GALNTL6: variants seen among roughly 807,000 people sequenced by gnomAD.
GALNTL6 encodes the protein polypeptide N-acetylgalactosaminyltransferase-like 6.
GALNTL6 carries 46 observed loss-of-function variants against 73.7 expected under a neutral mutation model. That is an observed-to-expected ratio of 0.62 (90% CI 0.49 to 0.80). The LOEUF (loss-of-function observed/expected upper bound fraction) is 0.80. GALNTL6 is among the 30% of genes least tolerant of loss of function. The probability of loss-of-function intolerance (pLI) is 0.00; values close to 1 mark genes in which losing one functional copy is unlikely to be tolerated. For missense variants in GALNTL6, 604 were observed against 755.0 expected (o/e 0.80, Z 2.34); for synonymous variants, 259 against 263.7 (o/e 0.98, Z 0.17).
chr4:171,945,167 C>G (rs1738665910), intron 2 of GALNTL6, among the ~76,000 whole-genome samples: 1 of 152,090 alleles, frequency 6.6e-6, no homozygotes, highest in Middle Eastern at 3.4e-3. Flanking sequence ...CCCTTTACAA[C>G]CAACTCTCCA....
chr4:172,764,554 C>A (rs989929658), intron 5 of GALNTL6, among the ~76,000 whole-genome samples: 2 of 151,134 alleles, frequency 1.3e-5, no homozygotes, highest in African/African-American at 4.9e-5. Flanking sequence ...ACATAGGTTA[C>A]AAAGTAAAAG....
Position 172,348,705 on chromosome 4 carries a change from T to C in GALNTL6, c.553+16T>C, listed in dbSNP as rs748877576. The C allele has an allele frequency of 8.7e-5, 136 of 1,556,626 alleles. No homozygotes were observed. Among genetic ancestry groups the C allele is most frequent in the Non-Finnish European group, 1.1e-4 (130 of 1,139,048 alleles). ...AGTGAGAGAGGTAAGATACAGTTGA[T>C]AACATTTTATCTGATTCTGCTACCA... On this transcript the variant is annotated intron_variant, in intron 5 of 12. Transcript: ENST00000506823.
At chr4:172,284,818 G>A (rs940723975) in intron 3 of GALNTL6, among the ~76,000 whole-genome samples, 1 of 152,030 alleles carries the variant, frequency 6.6e-6, no homozygotes, top group Non-Finnish European at 1.5e-5. Flanking sequence ...TTTACTTCTG[G>A]GTTCTCTATT....
chr4:172,613,606 C>A (rs1466753402), intron 5 of GALNTL6, among the ~76,000 whole-genome samples: 2 of 149,022 alleles, frequency 1.3e-5, no homozygotes, highest in African/African-American at 2.5e-5. Flanking sequence ...AAAGGAAAAA[C>A]CTATGATTAA....
intron 2 of GALNTL6, among the ~76,000 whole-genome samples, chr4:172,053,438 T>A (rs567740986): frequency 3.6e-4 from 55 of 152,142 alleles, no homozygotes; most frequent in Non-Finnish European, 4.9e-4. Context: ...GAGGTAGCCA[T>A]TCTCCTGAAA....
chr4:172,169,230 T>G (rs1734734276), intron 2 of GALNTL6, among the ~76,000 whole-genome samples: 1 of 152,164 alleles, frequency 6.6e-6, no homozygotes, highest in South Asian at 2.1e-4. Context: ...TCTCCCAGTC[T>G]GAGAGCCCCA....
intron 2 of GALNTL6, among the ~76,000 whole-genome samples, chr4:171,822,085 A>AT (rs35050639): frequency 4.7e-4 from 71 of 151,524 alleles, no homozygotes; most frequent in Admixed American, 1.3e-3. Flanking sequence ...CAATATAAGC[A>AT]TTTTTTTTTC....
At chr4:172,182,360 A>G (rs1735275550) in intron 2 of GALNTL6, among the ~76,000 whole-genome samples, 1 of 152,150 alleles carries the variant, frequency 6.6e-6, no homozygotes, top group Non-Finnish European at 1.5e-5. Flanking sequence ...TTTAGAAACT[A>G]TGAGGTACAG....
intron 5 of GALNTL6, among the ~76,000 whole-genome samples, chr4:172,363,785 ACC>A (rs1449962538): frequency 6.6e-6 from 1 of 152,126 alleles, no homozygotes; most frequent in Non-Finnish European, 1.5e-5. Context: ...GAGAATAGAA[ACC>A]TTTTACTTCT....
intron 2 of GALNTL6, among the ~76,000 whole-genome samples, chr4:171,972,813 A>AT (rs1739609965): frequency 2.0e-5 from 3 of 152,230 alleles, no homozygotes; most frequent in East Asian, 3.9e-4. Flanking sequence ...CTAGAAGCTC[A>AT]TTTTTTCATA....
At chr4:171,826,526 G>C (rs1157023850) in intron 2 of GALNTL6, among the ~76,000 whole-genome samples, 3 of 152,070 alleles carry the variant, frequency 2.0e-5, no homozygotes, top group Admixed American at 6.6e-5. Context: ...CCCTATTGGA[G>C]GGGGTAGGGG....
intron 2 of GALNTL6, among the ~76,000 whole-genome samples, chr4:172,019,935 T>A (rs1476092164): frequency 2.6e-5 from 4 of 152,060 alleles, no homozygotes; most frequent in Non-Finnish European, 5.9e-5. Flanking sequence ...AAACAAGTCT[T>A]CAACATTCAA....
intron 3 of GALNTL6, among the ~76,000 whole-genome samples, chr4:172,275,057 C>T (rs549900077): frequency 9.9e-5 from 15 of 152,268 alleles, no homozygotes; most frequent in Middle Eastern, 3.4e-3. Context: ...CTGGTCATGA[C>T]ATTTTCCCAG....
chr4:172,374,193 A>G (rs1372722396), intron 5 of GALNTL6, among the ~76,000 whole-genome samples: 1 of 152,206 alleles, frequency 6.6e-6, no homozygotes, highest in Non-Finnish European at 1.5e-5. Flanking sequence ...CTACTGGGTG[A>G]TTAGCCTGCT....
rs76015022 is a variant in GALNTL6 at position 172,500,675 on chromosome 4, G to GT, written c.553+151997dup. 3.3e-3 allele frequency among the ~76,000 whole-genome samples: 475 copies of GT among 144,944 alleles called. 2 individuals are homozygous for GT. The highest frequency in any genetic ancestry group is 4.0e-3 in the Non-Finnish European group (263 of 65,642). On this transcript the variant is annotated intron_variant, in intron 5 of 12. Transcript: ENST00000506823. Reference sequence around the variant, plus strand: ...TACCATTACAGAGCAGCTTAAGGAAGTTTTTTTTTTTGTTTTTTGTTTTTT... The same window carrying GT: ...TACCATTACAGAGCAGCTTAAGGAAGTTTTTTTTTTTTGTTTTTTGTTTTTT...
At chr4:172,087,084 T>C (rs1410781756) in intron 2 of GALNTL6, among the ~76,000 whole-genome samples, 1 of 152,088 alleles carries the variant, frequency 6.6e-6, no homozygotes, top group African/African-American at 2.4e-5. Flanking sequence ...TCAGTTGTAA[T>C]GGTAAAGGCC....
intron 2 of GALNTL6, among the ~76,000 whole-genome samples, chr4:171,972,421 G>T (rs1012256695): frequency 7.9e-5 from 12 of 151,722 alleles, no homozygotes; most frequent in Admixed American, 6.6e-4. Flanking sequence ...ATATTATGTT[G>T]TCCTAGGATT....
At chr4:172,243,340 G>A (rs1006478055) in intron 3 of GALNTL6, among the ~76,000 whole-genome samples, 5 of 152,188 alleles carry the variant, frequency 3.3e-5, no homozygotes, top group Middle Eastern at 3.4e-3. Flanking sequence ...TTCACTCTCT[G>A]TCCTTTTACT....
At chr4:172,280,825 A>G (rs1554009809) in intron 3 of GALNTL6, among the ~76,000 whole-genome samples, 1 of 152,114 alleles carries the variant, frequency 6.6e-6, no homozygotes, top group Non-Finnish European at 1.5e-5. Flanking sequence ...TTAGTTTTCT[A>G]TTGCTACTGT....
Sources: gnomAD v4.1 joint callset for allele counts (sites outside exome capture counted in the v4.1 genomes callset) on GRCh38, gnomAD v4.1.1 for gene constraint, MANE v1.5 for transcripts, NCBI Gene and HGNC (gene_info 2026-07-23, HGNC 2026-07-21) for gene names.